The following GRID2IP variants were observed in gnomAD, a reference collection of about 807,000 sequenced individuals.
GRID2IP encodes the protein delphilin.
A neutral mutation model predicts 114.3 loss-of-function variants in GRID2IP; 78 were observed. That is an observed-to-expected ratio of 0.68 (90% CI 0.57 to 0.82). The LOEUF (loss-of-function observed/expected upper bound fraction) is 0.82, where lower values mean the gene tolerates loss of function less well. Among genes scored for constraint, GRID2IP ranks in the 40% least tolerant of loss-of-function variants. The pLI is 0.00. For synonymous variants in GRID2IP, 809 were observed against 724.0 expected (o/e 1.12, Z -1.89); for missense variants, 1,727 against 1,678.5 (o/e 1.03, Z -0.51).
rs1436794959 is a variant in GRID2IP at position 6,520,605 on chromosome 7, C to T, written c.1241G>A (p.Arg414Gln). 81 of 1,551,410 alleles carry T rather than the reference C, an allele frequency of 5.2e-5. No individual in the cohort carries two copies. The highest frequency in any genetic ancestry group is 6.2e-5 in the Non-Finnish European group (71 of 1,146,882). The change falls in exon 7 of 22, where the codon CGG becomes CAG. Residue 414 changes from arginine to glutamine, a missense_variant. Physicochemically the swap from Arg to Gln is conservative, Grantham distance 43 (BLOSUM62 1). Transcript: ENST00000457091. The surrounding 1 kb of genome is among the most constrained non-coding windows in gnomAD (Gnocchi z 4.6). ...LTPPERYGVC[R>Q]ALESFFQHRN... ...GTGCTGGAAGAAGCTCTCGAGGGCC[C>T]GGCAGACCCCATAGCGCTCAGGAGG...
intron 20 of GRID2IP, among the ~76,000 whole-genome samples, 154 bp downstream of exon 20, chr7:6,501,627 T>C (rs1041783101): frequency 6.6e-6 from 1 of 152,192 alleles, no homozygotes; most frequent in Admixed American, 6.5e-5. Context: ...CAACCCAGGA[T>C]AGAGCCTCTT....
rs1779295500 is a variant in GRID2IP at position 6,516,171 on chromosome 7, A to G, written c.1269-1642T>C. Among the ~76,000 whole-genome samples the G allele has an allele frequency of 6.6e-6, 1 of 151,802 alleles. No homozygotes were observed. The highest frequency in any genetic ancestry group is 1.5e-5 in the Non-Finnish European group (1 of 67,984). ...GGAGAATATCTTTTGACCTAGAAGC[A>G]GGGAAGAGCTTAAAATTTCAAAAGC... On this transcript the variant is annotated intron_variant, in intron 7 of 21. Transcript: ENST00000457091. The surrounding 1 kb of genome is among the most constrained non-coding windows in gnomAD (Gnocchi z 4.3).
Position 6,526,483 on chromosome 7 carries a change from G to T in GRID2IP, c.833+38C>A. ...GTCTCGGTCCCGAGCCCACCCGCAG[G>T]GAGGCGCCCGCTGCCAGTGCCTGTG... On this transcript the variant is annotated intron_variant, in intron 3 of 21. Coordinates refer to ENST00000457091, the MANE Select transcript of GRID2IP (RefSeq NM_001145118.2). The surrounding 1 kb of genome is among the most constrained non-coding windows in gnomAD (Gnocchi z 7.6). The T allele has an allele frequency of 7.3e-7, 1 of 1,378,052 alleles. No individual in the cohort carries two copies. Among genetic ancestry groups the T allele is most frequent in the Non-Finnish European group, 9.4e-7 (1 of 1,066,906 alleles). The allele number at this position is 1,378,052 out of a possible 1,614,324, so 85.4% of individuals were successfully genotyped here. A position where few individuals can be genotyped will look rare whatever the true frequency, so the allele number is the denominator to read the frequency against.
At chr7:6,527,244 C>G (rs1361190785) in intron 2 of GRID2IP, among the ~76,000 whole-genome samples, 3 of 152,174 alleles carry the variant, frequency 2.0e-5, no homozygotes, top group Non-Finnish European at 2.9e-5. Flanking sequence ...AGTCTTCCTG[C>G]TTGCTTCTCT....
At chr7:6,518,813 CT>C (rs1779359459) in intron 7 of GRID2IP, among the ~76,000 whole-genome samples, 1 of 152,100 alleles carries the variant, frequency 6.6e-6, no homozygotes, top group East Asian at 1.9e-4. Context: ...AGGAATTTGG[CT>C]TTAGTTATAA....
intron 7 of GRID2IP, among the ~76,000 whole-genome samples, chr7:6,518,976 T>C (rs1002291378): frequency 3.3e-5 from 5 of 152,046 alleles, no homozygotes; most frequent in Non-Finnish European, 7.4e-5. Flanking sequence ...TGGAGAGCAG[T>C]GGTGTGATCT....
chr7:6,503,889 G>C (rs956577166), intron 15 of GRID2IP, among the ~76,000 whole-genome samples: 6 of 151,820 alleles, frequency 4.0e-5, no homozygotes, highest in Non-Finnish European at 8.8e-5. Context: ...AATGGGGAGA[G>C]GACGGCGCTT....
At chr7:6,501,468 G>C (rs901928026) in intron 20 of GRID2IP, among the ~76,000 whole-genome samples, 1 of 152,368 alleles carries the variant, frequency 6.6e-6, no homozygotes, top group Non-Finnish European at 1.5e-5. Context: ...CTGGGAGGCT[G>C]AGGCAGGCAG....
At chr7:6,547,392 T>A (rs540233712) in intron 1 of GRID2IP, among the ~76,000 whole-genome samples, 108 of 151,902 alleles carry the variant, frequency 7.1e-4, no homozygotes, top group Non-Finnish European at 9.6e-4. Flanking sequence ...TTTTTTTTTT[T>A]TCTTAATCAG....
At chr7:6,531,023 A>T in intron 2 of GRID2IP, 2 of 644,050 alleles carry the variant, frequency 3.1e-6, no homozygotes, top group Non-Finnish European at 5.6e-6. Context: ...CGTGGCGCAG[A>T]GGGCGCACGG....
At position 6,516,113 on chromosome 7, in the gene GRID2IP, A is replaced by AAAATAAAT. The variant is rs35580684; in HGVS notation, c.1269-1592_1269-1585dup. ...CCCCGTCTCAAAATAATAATAATAAAAAATAAATAAATAAATAAATAAAAA... is the reference window on the plus strand; with the variant it reads ...CCCCGTCTCAAAATAATAATAATAAAAAATAAATAAATAAATAAATAAATAAATAAAAA... On this transcript the variant is annotated intron_variant, in intron 7 of 21. Coordinates refer to ENST00000457091, the MANE Select transcript of GRID2IP (RefSeq NM_001145118.2). The surrounding 1 kb of genome is among the most constrained non-coding windows in gnomAD (Gnocchi z 4.3). Among the ~76,000 whole-genome samples the AAAATAAAT allele has an allele frequency of 4.6e-4, 49 of 106,260 alleles. No individual in the cohort carries two copies. The highest frequency in any genetic ancestry group is 7.1e-4 in the Non-Finnish European group (37 of 52,330). 69.7% of individuals were successfully genotyped at this position (106,260 alleles called of 152,430 possible).
intron 1 of GRID2IP, among the ~76,000 whole-genome samples, chr7:6,544,380 A>G (rs1779855243): frequency 1.3e-5 from 2 of 151,756 alleles, no homozygotes. Flanking sequence ...CCCGGGTTCA[A>G]GCGACGCTCC....
chr7:6,535,644 T>C (rs1779712185), intron 2 of GRID2IP, among the ~76,000 whole-genome samples: 1 of 152,154 alleles, frequency 6.6e-6, no homozygotes, highest in Admixed American at 6.5e-5. Context: ...GATGGGAGGA[T>C]CTCTTGAGGC....
Position 6,509,712 on chromosome 7 carries a change from C to A in GRID2IP, c.1772-399G>T, listed in dbSNP as rs1024892761. 1.3e-5 allele frequency among the ~76,000 whole-genome samples: 2 copies of A among 152,222 alleles called. No individual in the cohort carries two copies. Among genetic ancestry groups the A allele is most frequent in the African/African-American group, 4.8e-5 (2 of 41,454 alleles). ...CCTCCCAGGGCTCCTGCCTTCTGAG[C>A]TGCAGAGCAACTGTCTTCCCAGCTG... On this transcript the variant is annotated intron_variant, in intron 11 of 21. Coordinates refer to ENST00000457091, the MANE Select transcript of GRID2IP (RefSeq NM_001145118.2). This position sits in a 1 kb window ranked among gnomAD's most constrained non-coding sequence, Gnocchi z 4.9.
In GRID2IP at chr7:6,508,186, A is replaced by G; in HGVS notation, c.2343T>C (p.Ala781=). The part of the protein sequence containing the change: ...SRSSDGSRGP[A]QALAKPLTQL... Reference sequence around the variant, plus strand: ...GGGTGAGGGGCTTGGCCAGCGCCTGAGCAGGGCCCCGGGAACCATCAGAGC... The same window carrying G: ...GGGTGAGGGGCTTGGCCAGCGCCTGGGCAGGGCCCCGGGAACCATCAGAGC... The change falls in exon 13 of 22, where the codon GCT becomes GCC. Residue 781 remains alanine (A), a synonymous_variant. Transcript: ENST00000457091. This position sits in a 1 kb window ranked among gnomAD's most constrained non-coding sequence, Gnocchi z 5.6. 1 of 1,506,118 alleles carries G rather than the reference A, an allele frequency of 6.6e-7. No homozygotes were observed. The highest frequency in any genetic ancestry group is 8.9e-7 in the Non-Finnish European group (1 of 1,127,872). The allele number at this position is 1,506,118 out of a possible 1,614,324, so 93.3% of individuals were successfully genotyped here. A position where few individuals can be genotyped will look rare whatever the true frequency, so the allele number is the denominator to read the frequency against.
At chr7:6,525,631 C>T (rs1562520343) in intron 4 of GRID2IP, among the ~76,000 whole-genome samples, 1 of 152,016 alleles carries the variant, frequency 6.6e-6, no homozygotes, top group Non-Finnish European at 1.5e-5. Context: ...GAGACACTAT[C>T]TCATTAAAAT....
chr7:6,548,350 C>CA (rs1278719932), intron 1 of GRID2IP, among the ~76,000 whole-genome samples: 3 of 150,628 alleles, frequency 2.0e-5, no homozygotes, highest in Non-Finnish European at 3.0e-5. Flanking sequence ...ACTCTGGCTC[C>CA]AAAAAAAATA....
Position 6,502,892 on chromosome 7 carries a change from T to G in GRID2IP, c.3064-20A>C. 1 of 1,545,238 alleles carries G rather than the reference T, an allele frequency of 6.5e-7. No homozygotes were observed. The highest frequency in any genetic ancestry group is 8.8e-7 in the Non-Finnish European group (1 of 1,141,182). On this transcript the variant is annotated intron_variant, in intron 17 of 21. Coordinates refer to ENST00000457091, the MANE Select transcript of GRID2IP (RefSeq NM_001145118.2). ...CACAAACTGTGGACAAGAAGGTGGG[T>G]AGGTCCTGTCCTCACCCCACCACCC...
In GRID2IP at chr7:6,526,343, G is replaced by C. The variant is rs1395641509; in HGVS notation, c.834-34C>G. 1.9e-6 allele frequency: 3 copies of C among 1,540,452 alleles called. No individual in the cohort carries two copies. The highest frequency in any genetic ancestry group is 2.6e-6 in the Non-Finnish European group (3 of 1,137,158). On this transcript the variant is annotated intron_variant, in intron 3 of 21. Transcript: ENST00000457091. This position sits in a 1 kb window ranked among gnomAD's most constrained non-coding sequence, Gnocchi z 7.6. ...AAAAGAAGGGGCGAGCAGCATGATGGAGAGGGGGCCCTGGGGCGCAGAGGT... is the reference window on the plus strand; with the variant it reads ...AAAAGAAGGGGCGAGCAGCATGATGCAGAGGGGGCCCTGGGGCGCAGAGGT...
Sources: allele counts gnomAD v4.1 joint callset (sites outside exome capture counted in the v4.1 genomes callset), GRCh38; gene constraint gnomAD v4.1.1; non-coding constraint Gnocchi (gnomAD v3.1); transcripts MANE v1.5; gene names NCBI Gene and HGNC (gene_info 2026-07-23, HGNC 2026-07-21).